EPB41: variants seen among roughly 807,000 people sequenced by gnomAD.
The protein encoded by EPB41 is protein 4.1.
EPB41 carries 65 observed loss-of-function variants against 108.0 expected under a neutral mutation model. That is an observed-to-expected ratio of 0.60 (90% CI 0.49 to 0.74). The LOEUF (loss-of-function observed/expected upper bound fraction) is 0.74, where lower values mean the gene tolerates loss of function less well. Ranked by LOEUF, EPB41 falls within the 30% of genes least tolerant of loss-of-function variation. The pLI, the probability that EPB41 is intolerant of heterozygous loss-of-function variation, is 0.00. For missense variants in EPB41, 875 were observed against 1,037.0 expected, an observed-to-expected ratio of 0.84 and a Z score of 2.15; for synonymous variants, 336 against 358.9, an observed-to-expected ratio of 0.94 and a Z score of 0.72.
chr1:29,019,227 G>C (rs2096613452), intron 7 of EPB41, among the ~76,000 whole-genome samples: 1 of 152,054 alleles, frequency 6.6e-6, no homozygotes, highest in Admixed American at 6.5e-5. Flanking sequence ...ACCAGCCTGG[G>C]CAACATAGCA....
intron 16 of EPB41, chr1:29,072,220 T>G (rs1266423516): frequency 1.3e-5 from 2 of 152,082 alleles, no homozygotes; most frequent in Non-Finnish European, 2.9e-5. Flanking sequence ...TATTTATTGA[T>G]TCACTCATAA....
At chr1:29,006,437 C>T (rs2096402918) in intron 4 of EPB41, among the ~76,000 whole-genome samples, 1 of 151,988 alleles carries the variant, frequency 6.6e-6, no homozygotes, top group Non-Finnish European at 1.5e-5. Flanking sequence ...CAGGGTTTCA[C>T]TGTGTTAGCC....
intron 1 of EPB41, among the ~76,000 whole-genome samples, chr1:28,970,096 G>A (rs1292049374): frequency 6.6e-6 from 1 of 152,118 alleles, no homozygotes; most frequent in Non-Finnish European, 1.5e-5. Flanking sequence ...GCAAATAGCG[G>A]ATTATTTGAA....
chr1:29,034,089 TGGA>T (rs1262092153), intron 9 of EPB41, among the ~76,000 whole-genome samples: 1 of 152,226 alleles, frequency 6.6e-6, no homozygotes, highest in Non-Finnish European at 1.5e-5. Context: ...ATTCTGGATG[TGGA>T]GCCTTAAAAA....
chr1:29,106,424 A>G (rs1667153969), intron 17 of EPB41, among the ~76,000 whole-genome samples: 1 of 151,976 alleles, frequency 6.6e-6, no homozygotes, highest in Non-Finnish European at 1.5e-5. Context: ...GGCAGAACAC[A>G]TATTCCCATA....
At chr1:29,094,488 G>A (rs925647784) in intron 16 of EPB41, among the ~76,000 whole-genome samples, 14 of 151,834 alleles carry the variant, frequency 9.2e-5, no homozygotes, top group African/African-American at 3.4e-4. Flanking sequence ...GTTGGCCAGG[G>A]TGGTCTCAAA....
intron 11 of EPB41, among the ~76,000 whole-genome samples, chr1:29,052,155 G>A (rs1644640183): frequency 6.6e-6 from 1 of 152,112 alleles, no homozygotes; most frequent in Non-Finnish European, 1.5e-5. Flanking sequence ...AAAAGATCAA[G>A]ATTTTATCAT....
intron 1 of EPB41, among the ~76,000 whole-genome samples, chr1:28,905,030 C>CAA (rs1221262969): frequency 5.4e-4 from 39 of 72,326 alleles, no homozygotes; most frequent in East Asian, 3.1e-3. Context: ...GACTCTGTCT[C>CAA]AAAAAAAAAA....
intron 1 of EPB41, among the ~76,000 whole-genome samples, chr1:28,893,070 G>A (rs1433542375): frequency 1.3e-5 from 2 of 152,014 alleles, no homozygotes; most frequent in African/African-American, 2.4e-5. Context: ...CCAAAGTGCT[G>A]GGATTACAAG....
chr1:29,025,093 G>A (rs1407359515), intron 7 of EPB41, among the ~76,000 whole-genome samples: 1 of 151,992 alleles, frequency 6.6e-6, no homozygotes, highest in Non-Finnish European at 1.5e-5. Context: ...GTGGCCCTTT[G>A]CCCAGACTGG....
At chr1:28,888,663 T>A (rs1234156198) in intron 1 of EPB41, among the ~76,000 whole-genome samples, 1 of 152,240 alleles carries the variant, frequency 6.6e-6, no homozygotes, top group African/African-American at 2.4e-5. Flanking sequence ...AGTCTCGCTC[T>A]GTCGCCCAGG....
At chr1:29,112,014 G>A (rs1247229206) in intron 18 of EPB41, among the ~76,000 whole-genome samples, 1 of 152,138 alleles carries the variant, frequency 6.6e-6, no homozygotes, top group East Asian at 1.9e-4. Context: ...TAATCCAGGG[G>A]AGTAGAAGTG....
intron 1 of EPB41, among the ~76,000 whole-genome samples, chr1:28,967,444 T>C (rs940124032): frequency 1.3e-5 from 2 of 152,192 alleles, no homozygotes; most frequent in Non-Finnish European, 2.9e-5. Flanking sequence ...TGGTAAACTA[T>C]TTAATGTGAG....
chr1:28,971,177 TTTC>T (rs2095485784), intron 1 of EPB41, among the ~76,000 whole-genome samples: 1 of 125,124 alleles, frequency 8.0e-6, no homozygotes, highest in African/African-American at 3.3e-5. Context: ...TCTTTCTTTC[TTTC>T]TTTTTTTTTT....
At chr1:29,067,368 C>T (rs1398181610) in intron 16 of EPB41, among the ~76,000 whole-genome samples, 1 of 151,938 alleles carries the variant, frequency 6.6e-6, no homozygotes, top group Non-Finnish European at 1.5e-5. Flanking sequence ...TGGTGGCAGG[C>T]ACCTGTAGTC....
intron 1 of EPB41, among the ~76,000 whole-genome samples, chr1:28,891,444 A>T (rs1248062994): frequency 6.6e-6 from 1 of 152,202 alleles, no homozygotes; most frequent in Non-Finnish European, 1.5e-5. Flanking sequence ...AACCAAGGGA[A>T]AACCCGGAGA....
chr1:28,922,279 AT>A (rs1187433225), intron 1 of EPB41, among the ~76,000 whole-genome samples: 1 of 151,790 alleles, frequency 6.6e-6, no homozygotes, highest in Non-Finnish European at 1.5e-5. Context: ...ATAAAATTAT[AT>A]TTTATATTTA....
chr1:29,101,906 A>AAC (rs957564261), intron 17 of EPB41, among the ~76,000 whole-genome samples: 7 of 152,270 alleles, frequency 4.6e-5, no homozygotes, highest in African/African-American at 1.7e-4. Flanking sequence ...TATCAAAAAA[A>AAC]CAAAATAAAG....
At position 29,107,711 on chromosome 1, in the gene EPB41, C is replaced by T. The variant is rs146775156; in HGVS notation, c.2314-1625C>T. ...GCTAAAAATACAAAAATTAGCCAGG[C>T]GTGGTGGCAGGCGCCTGTAATCCCA... On this transcript the variant is annotated intron_variant, in intron 17 of 20. Transcript: ENST00000343067. Among the ~76,000 whole-genome samples, 680 of 151,234 alleles carry T rather than the reference C, an allele frequency of 4.5e-3. 4 individuals are homozygous for T. Among genetic ancestry groups the T allele is most frequent in the African/African-American group, 0.016 (642 of 41,186 alleles).
Sources: gnomAD v4.1 joint callset for allele counts (sites outside exome capture counted in the v4.1 genomes callset) on GRCh38, gnomAD v4.1.1 for gene constraint, MANE v1.5 for transcripts, NCBI Gene and HGNC (gene_info 2026-07-23, HGNC 2026-07-21) for gene names.